CATSPERE: variants seen among roughly 807,000 people sequenced by gnomAD.
CATSPERE encodes catsper channel auxiliary subunit epsilon, also known as cation channel sperm-associated auxiliary subunit epsilon.
CATSPERE carries 93 observed loss-of-function variants against 114.1 expected under a neutral mutation model. That is an observed-to-expected ratio of 0.81 (90% CI 0.69 to 0.97). The LOEUF (loss-of-function observed/expected upper bound fraction) is 0.97, where lower values mean the gene tolerates loss of function less well. Ranked by LOEUF, CATSPERE falls within the 50% of genes least tolerant of loss-of-function variation. The probability of loss-of-function intolerance (pLI) is 0.00; values close to 1 mark genes in which losing one functional copy is unlikely to be tolerated. For missense variants in CATSPERE, 1,058 were observed against 1,131.6 expected, an observed-to-expected ratio of 0.93 and a Z score of 0.93; for synonymous variants, 341 against 384.1, an observed-to-expected ratio of 0.89 and a Z score of 1.31.
intron 1 of CATSPERE, among the ~76,000 whole-genome samples, chr1:244,462,088 A>G (rs1383878341): frequency 1.3e-5 from 2 of 152,254 alleles, no homozygotes; most frequent in Admixed American, 1.3e-4. Flanking sequence ...AAGTGCTGTA[A>G]TTACAGACTA....
At chr1:244,456,218 G>A (rs531124387) in intron 1 of CATSPERE, among the ~76,000 whole-genome samples, 4 of 152,070 alleles carry the variant, frequency 2.6e-5, no homozygotes, top group South Asian at 2.1e-4. Context: ...AAGTATTTCC[G>A]TCCTCTTGGG....
chr1:244,513,628 G>T (rs1676115853), intron 7 of CATSPERE, among the ~76,000 whole-genome samples: 1 of 152,174 alleles, frequency 6.6e-6, no homozygotes. Flanking sequence ...TGTGGGTGCC[G>T]CTTGCAACGA....
At chr1:244,637,158 A>C (rs1433215874) in intron 21 of CATSPERE, among the ~76,000 whole-genome samples, 2 of 151,970 alleles carry the variant, frequency 1.3e-5, no homozygotes, top group Non-Finnish European at 2.9e-5. Flanking sequence ...GATATTATTT[A>C]TCCTCGTTCT....
chr1:244,465,905 T>C (rs575962827), intron 2 of CATSPERE, among the ~76,000 whole-genome samples: 1 of 152,294 alleles, frequency 6.6e-6, no homozygotes, highest in East Asian at 1.9e-4. Context: ...TTCCTAACTT[T>C]AGTAGATTTC....
intron 7 of CATSPERE, among the ~76,000 whole-genome samples, chr1:244,513,071 T>G: frequency 6.6e-6 from 1 of 151,974 alleles, no homozygotes; most frequent in Non-Finnish European, 1.5e-5. Context: ...CCAGGTGGCT[T>G]GCTTGAGTGC....
intron 9 of CATSPERE, 45 bp from the exon 10 acceptor site, chr1:244,560,623 C>T (rs1448544413): frequency 8.9e-7 from 1 of 1,123,122 alleles, no homozygotes; most frequent in African/African-American, 1.6e-5. Context: ...TTAGGCCCGT[C>T]TCTAAAATCG....
rs76413883 is a variant in CATSPERE at position 244,536,376 on chromosome 1, A to G, written c.537-15946A>G. On this transcript the variant is annotated intron_variant, in intron 8 of 21. Coordinates refer to ENST00000366534, the MANE Select transcript of CATSPERE (RefSeq NM_001130957.2). ...GTGGCCTAGACTATCTTTCAAGTTT[A>G]TTTCGGACTCCAGAGAACTTTAGCC... is the stretch of plus-strand genomic sequence containing the variant. 5.3e-3 allele frequency among the ~76,000 whole-genome samples: 813 copies of G among 152,128 alleles called. 10 individuals are homozygous for G. The highest frequency in any genetic ancestry group is 0.019 in the African/African-American group (783 of 41,478).
chr1:244,473,403 T>C (rs1668785867), intron 2 of CATSPERE, among the ~76,000 whole-genome samples: 3 of 152,182 alleles, frequency 2.0e-5, no homozygotes, highest in Admixed American at 2.0e-4. Context: ...ATATTATCTT[T>C]GGTGAGGTGC....
At position 244,552,416 on chromosome 1, in the gene CATSPERE, T is replaced by G. The variant is rs1660807358; in HGVS notation, c.631T>G (p.Phe211Val). 1 of 1,614,162 alleles carries G rather than the reference T, an allele frequency of 6.2e-7. No homozygotes were observed. Among genetic ancestry groups the G allele is most frequent in the Non-Finnish European group, 8.5e-7 (1 of 1,180,024 alleles). ...TTTTCAGGATTGCTTTATTGCAGAT[T>G]TTCTTATTCTGTTGACTTTTCCTTT... is the stretch of plus-strand genomic sequence containing the variant. ...VTFQDCFIAD[F>V]LILLTFPLLT... The change falls in exon 9 of 22, where the codon TTT becomes GTT. Residue 211 changes from phenylalanine (F) to valine (V), a missense_variant. By Grantham distance (50) the Phe-to-Val change is conservative. Transcript: ENST00000366534.
intron 8 of CATSPERE, among the ~76,000 whole-genome samples, chr1:244,543,330 G>T (rs140206516): frequency 8.5e-4 from 129 of 152,154 alleles, no homozygotes; most frequent in African/African-American, 3.0e-3. Context: ...TCTGTCACGT[G>T]CAACAACATA....
chr1:244,467,796 G>A (rs1319320643), intron 2 of CATSPERE, among the ~76,000 whole-genome samples: 9 of 152,166 alleles, frequency 5.9e-5, no homozygotes. Flanking sequence ...GTGTCTACAT[G>A]TCAACACAAA....
chr1:244,508,672 AT>A (rs936785542), intron 7 of CATSPERE, among the ~76,000 whole-genome samples: 21 of 150,956 alleles, frequency 1.4e-4, no homozygotes, highest in East Asian at 9.9e-4. Flanking sequence ...AGTTCTACAC[AT>A]TTTTTTGGTG....
chr1:244,625,428 A>ATTTTTTTT lies in CATSPERE; in HGVS notation c.2648+7743_2648+7744insTTTTTTTT, dbSNP rs1234328450. On this transcript the variant is annotated intron_variant, in intron 20 of 21. Coordinates refer to ENST00000366534, the MANE Select transcript of CATSPERE (RefSeq NM_001130957.2). ...TATTTATATATATATATATATATAT[A>ATTTTTTTT]TATATTTTTTTTTTTTTTTGAGATG... 3.2e-3 allele frequency among the ~76,000 whole-genome samples: 12 copies of ATTTTTTTT among 3,744 alleles called. 1 individual carries two copies. The highest frequency in any genetic ancestry group is 0.033 in the East Asian group (2 of 60). 2.5% of individuals were successfully genotyped at this position (3,744 alleles called of 152,430 possible). A position where few individuals can be genotyped will look rare whatever the true frequency, so the allele number is the denominator to read the frequency against.
chr1:244,553,794 G>T (rs538147921), intron 9 of CATSPERE, among the ~76,000 whole-genome samples: 5 of 151,862 alleles, frequency 3.3e-5, no homozygotes, highest in Non-Finnish European at 4.4e-5. Flanking sequence ...ATATTTGTAC[G>T]TATTAACCAG....
At chr1:244,470,281 A>G (rs943698120) in intron 2 of CATSPERE, among the ~76,000 whole-genome samples, 1 of 152,238 alleles carries the variant, frequency 6.6e-6, no homozygotes, top group African/African-American at 2.4e-5. Flanking sequence ...TGATTCATGT[A>G]TCTTATTATG....
chr1:244,581,834 A>G lies in CATSPERE; in HGVS notation c.1989A>G (p.Ile663Met). 7.5e-7 allele frequency: 1 copy of G among 1,332,716 alleles called. No homozygotes were observed. Among genetic ancestry groups the G allele is most frequent in the Non-Finnish European group, 1.1e-6 (1 of 951,342 alleles). The allele number at this position is 1,332,716 out of a possible 1,614,324, so 82.6% of individuals were successfully genotyped here. Residue 663 changes from isoleucine to methionine, a missense_variant, in exon 12 of 22, where the codon ATA becomes ATG. This residue lies in a region of CATSPERE where 787 missense variants were observed against 905.6 expected (regional missense o/e 0.87). Coordinates refer to ENST00000366534, the MANE Select transcript of CATSPERE (RefSeq NM_001130957.2). ...ATCAGAATGTAGATTATGAGAGAAT[A>G]TCTGATTACTTTGAGACACAGTAAG... is the stretch of plus-strand genomic sequence containing the variant. ...TFYQNVDYER[I>M]SDYFETQDKH...
chr1:244,553,602 TACACACACACACACACACACACAC>T lies in CATSPERE; in HGVS notation c.1029+808_1029+831del, dbSNP rs67626437. Among the ~76,000 whole-genome samples the T allele has an allele frequency of 3.3e-5, 3 of 91,950 alleles. No individual in the cohort carries two copies. In the Admixed American group the frequency reaches 4.3e-4, roughly 13 times the overall value. 60.3% of individuals were successfully genotyped at this position (91,950 alleles called of 152,430 possible). On this transcript the variant is annotated intron_variant, in intron 9 of 21. Coordinates refer to ENST00000366534, the MANE Select transcript of CATSPERE (RefSeq NM_001130957.2). Reference sequence around the variant, plus strand: ...TCTCAAAAAAAAAAAAAAAAAAAAATACACACACACACACACACACACACACACACACACACACACACATACATA... The same window carrying T: ...TCTCAAAAAAAAAAAAAAAAAAAAATACACACACACACACACACATACATA...
Position 244,510,853 on chromosome 1 carries a change from T to C in CATSPERE, c.430-7739T>C, listed in dbSNP as rs1675623992. Among the ~76,000 whole-genome samples the C allele has an allele frequency of 5.1e-5, 7 of 138,002 alleles. 1 individual carries two copies. In the South Asian group the frequency reaches 1.6e-3, roughly 31 times the overall value. 90.5% of individuals were successfully genotyped at this position (138,002 alleles called of 152,430 possible). Reference sequence around the variant, plus strand: ...TCTTTTTCTTTTTTTTTTTTTTTTTTTTTTTTTGAGACAGAATTTCGTTCT... The same window carrying C: ...TCTTTTTCTTTTTTTTTTTTTTTTTCTTTTTTTGAGACAGAATTTCGTTCT... On this transcript the variant is annotated intron_variant, in intron 7 of 21. Coordinates refer to ENST00000366534, the MANE Select transcript of CATSPERE (RefSeq NM_001130957.2).
At chr1:244,597,043 C>T (rs1240856405) in intron 17 of CATSPERE, among the ~76,000 whole-genome samples, 4 of 152,154 alleles carry the variant, frequency 2.6e-5, no homozygotes, top group Non-Finnish European at 4.4e-5. Context: ...AGATCCCCAC[C>T]GGTTTTCCTA....
Sources: allele counts gnomAD v4.1 joint callset (sites outside exome capture counted in the v4.1 genomes callset), GRCh38; gene constraint gnomAD v4.1.1; regional missense constraint gnomAD v4.1.1; transcripts MANE v1.5; gene names NCBI Gene and HGNC (gene_info 2026-07-23, HGNC 2026-07-21).